The following DPP6 variants were observed in gnomAD, a reference collection of about 807,000 sequenced individuals.
DPP6 encodes the protein dipeptidyl peptidase like 6, also known as A-type potassium channel modulatory protein DPP6.
Under a neutral mutation model 122.6 loss-of-function variants are expected in DPP6, and 69 were observed. The observed-to-expected ratio is 0.56, with a 90% confidence interval of 0.46 to 0.69. The LOEUF is 0.69. Ranked by LOEUF, DPP6 falls within the 30% of genes least tolerant of loss-of-function variation. DPP6 has a pLI of 0.00. For missense variants in DPP6, 928 were observed against 1,116.9 expected (o/e 0.83, Z 2.41); for synonymous variants, 418 against 433.1 (o/e 0.97, Z 0.43).
At chr7:153,866,951 GAT>G in the DPP6 span, among the ~76,000 whole-genome samples, 1 of 152,144 alleles carries the variant, frequency 6.6e-6, no homozygotes, top group African/African-American at 2.4e-5. Context: ...TCAAAGATCA[GAT>G]AGTTGTAGAT....
In DPP6 at chr7:154,677,628, C is replaced by T. The variant is rs1838995659; in HGVS notation, c.762+8187C>T. ...GATGGAGGGCCTTTGCTTCACCCAT[C>T]GCTCACGTGTGGGCGTCTGCACGGG... On this transcript the variant is annotated intron_variant, in intron 7 of 25. Coordinates refer to ENST00000377770, the MANE Select transcript of DPP6 (RefSeq NM_130797.4). Among the ~76,000 whole-genome samples the T allele has an allele frequency of 2.0e-5, 3 of 152,202 alleles. No homozygotes were observed. The South Asian group carries it at 6.2e-4, about 32-fold the overall frequency.
intron 1 of DPP6, among the ~76,000 whole-genome samples, chr7:154,232,426 G>A (rs1038833952): frequency 4.6e-5 from 7 of 152,164 alleles, no homozygotes; most frequent in African/African-American, 1.7e-4. Flanking sequence ...TTGGTGTCAG[G>A]ACCTCAATCC....
chr7:154,190,676 G>C (rs942344667), intron 1 of DPP6, among the ~76,000 whole-genome samples: 7 of 152,122 alleles, frequency 4.6e-5, no homozygotes, highest in African/African-American at 1.7e-4. Context: ...GCAGATGGAT[G>C]GGTCTTTCTG....
intron 5 of DPP6, among the ~76,000 whole-genome samples, chr7:154,620,443 T>G (rs961498816): frequency 5.3e-5 from 8 of 152,248 alleles, no homozygotes; most frequent in Non-Finnish European, 1.0e-4. Context: ...TTCTCAAATG[T>G]TTTTGGAACT....
intron 1 of DPP6, among the ~76,000 whole-genome samples, chr7:154,398,547 C>A (rs572297746): frequency 1.3e-5 from 2 of 152,252 alleles, no homozygotes; most frequent in South Asian, 2.1e-4. Flanking sequence ...CATCCTATTT[C>A]TTTTTCCTTT....
chr7:154,529,273 G>T (rs1429995899), intron 3 of DPP6, among the ~76,000 whole-genome samples: 2 of 152,136 alleles, frequency 1.3e-5, no homozygotes, highest in Non-Finnish European at 2.9e-5. Context: ...ATTGCTGAAT[G>T]ACCTGTGAAT....
At chr7:153,819,611 G>T in the DPP6 span, among the ~76,000 whole-genome samples, 3 of 152,120 alleles carry the variant, frequency 2.0e-5, no homozygotes, top group Non-Finnish European at 2.9e-5. Context: ...TGGGGAAAAT[G>T]CATCTTAAAA....
intron 7 of DPP6, among the ~76,000 whole-genome samples, chr7:154,676,869 T>G (rs1838945469): frequency 6.6e-6 from 1 of 152,226 alleles, no homozygotes; most frequent in Non-Finnish European, 1.5e-5. Context: ...GCAACATGGC[T>G]TACATCTCTG....
At chr7:154,834,098 C>T (rs1252637053) in intron 16 of DPP6, among the ~76,000 whole-genome samples, 1 of 152,114 alleles carries the variant, frequency 6.6e-6, no homozygotes, top group African/African-American at 2.4e-5. Context: ...ACTCAGCCTC[C>T]CCTAGCTCAT....
At chr7:154,316,351 A>G (rs1416599915) in intron 1 of DPP6, among the ~76,000 whole-genome samples, 1 of 152,240 alleles carries the variant, frequency 6.6e-6, no homozygotes, top group Non-Finnish European at 1.5e-5. Flanking sequence ...ATAAGTGAAT[A>G]TTCTCTCATT....
chr7:153,754,056 T>C, the DPP6 span, among the ~76,000 whole-genome samples: 1 of 152,230 alleles, frequency 6.6e-6, no homozygotes, highest in Non-Finnish European at 1.5e-5. Context: ...TGCTGACTTT[T>C]GCCAGCTCTA....
At chr7:154,451,290 G>A (rs1342669134) in intron 2 of DPP6, among the ~76,000 whole-genome samples, 1 of 149,636 alleles carries the variant, frequency 6.7e-6, no homozygotes, top group Non-Finnish European at 1.5e-5. Context: ...AACCCAGGAG[G>A]CAGAGGTTGC....
At chr7:154,383,890 C>CAAA (rs375015144) in intron 1 of DPP6, among the ~76,000 whole-genome samples, 3,491 of 106,250 alleles carry the variant, frequency 0.033, 168 homozygotes, top group African/African-American at 0.065. Context: ...ACTCTGTCTC[C>CAAA]AAAAAAAAAA....
rs367893583 is a variant in DPP6 at position 154,061,701 on chromosome 7, G to A, written c.243+8638G>A. Reference sequence around the variant, plus strand: ...GGCTCTTGGGACCACCATCGCAGGGGGGGAGGCAATCCCCGCGAGGCGGGG... The same window carrying A: ...GGCTCTTGGGACCACCATCGCAGGGAGGGAGGCAATCCCCGCGAGGCGGGG... On this transcript the variant is annotated intron_variant, in intron 1 of 25. Transcript: ENST00000377770. Among the ~76,000 whole-genome samples, 142 of 80,956 alleles carry A rather than the reference G, an allele frequency of 1.8e-3. 2 individuals carry two copies. In the Middle Eastern group the frequency reaches 0.019, roughly 11 times the overall value. The allele number at this position is 80,956 out of a possible 152,430, so 53.1% of individuals were successfully genotyped here.
chr7:154,616,226 C>T (rs1213079938), intron 5 of DPP6, among the ~76,000 whole-genome samples: 2 of 152,080 alleles, frequency 1.3e-5, no homozygotes, highest in Non-Finnish European at 2.9e-5. Context: ...GTCCCCATGC[C>T]CAGGAGTGGT....
rs552426303 is a variant in DPP6 at position 153,955,772 on chromosome 7, C to T, written c.51+68038C>T. Among the ~76,000 whole-genome samples the T allele has an allele frequency of 3.9e-5, 6 of 152,252 alleles. No homozygotes were observed. The South Asian group carries it at 1.0e-3, about 26-fold the overall frequency. On this transcript the variant is annotated intron_variant, in intron 1 of 25. Transcript: ENST00000404039. ...TTATTTTAGAATTAAGAATTTGAAA[C>T]ACAGAAGATGTTAACTTGGGAAAGG...
rs11243339 is a variant in DPP6 at position 154,637,850 on chromosome 7, C to T, written c.657C>T (p.Tyr219=). Residue 219 remains tyrosine (Y), a synonymous_variant, in exon 6 of 26, where the codon TAC becomes TAT. Coordinates refer to ENST00000377770, the MANE Select transcript of DPP6 (RefSeq NM_130797.4). ...ATCAACACTCGTATACTGGATATTA[C>T]GTCCTGAGCAAAATTCCTCATGGGT... ...PIYQHSYTGY[Y]VLSKIPHGDP... 0.71 allele frequency: 1,116,163 copies of T among 1,576,986 alleles called. 398,263 individuals are homozygous for T. Among genetic ancestry groups the T allele is most frequent in the East Asian group, 0.92 (40,494 of 44,056 alleles).
At chr7:154,488,978 A>G (rs976190272) in intron 3 of DPP6, among the ~76,000 whole-genome samples, 2 of 152,188 alleles carry the variant, frequency 1.3e-5, no homozygotes, top group Non-Finnish European at 2.9e-5. Context: ...CATAACAGAC[A>G]TTTACAAAAA....
In DPP6 at chr7:154,353,564, G is replaced by A. The variant is rs575382364; in HGVS notation, c.244-92650G>A. Among the ~76,000 whole-genome samples, 4 of 152,110 alleles carry A rather than the reference G, an allele frequency of 2.6e-5. No homozygotes were observed. The South Asian group carries it at 8.3e-4, about 32-fold the overall frequency. On this transcript the variant is annotated intron_variant, in intron 1 of 25. Transcript: ENST00000377770. ...TCCATGTGTGTCTCTTCTGGCAAGT[G>A]GACAGGGCTTGTGATGAATCCTAGG... is the stretch of plus-strand genomic sequence containing the variant.
Sources: gnomAD v4.1 joint callset for allele counts (sites outside exome capture counted in the v4.1 genomes callset) on GRCh38, gnomAD v4.1.1 for gene constraint, MANE v1.5 for transcripts, NCBI Gene and HGNC (gene_info 2026-07-23, HGNC 2026-07-21) for gene names.